The following PCDH9 variants were observed in gnomAD, a reference collection of about 807,000 sequenced individuals.
The protein encoded by PCDH9 is protocadherin-9.
Under a neutral mutation model 70.6 loss-of-function variants are expected in PCDH9, and 24 were observed. The ratio of observed to expected loss-of-function variants is 0.34; its 90% CI spans 0.25 to 0.48. The LOEUF is 0.48. Ranked by LOEUF, PCDH9 falls within the 20% of genes least tolerant of loss-of-function variation. The pLI, the probability that PCDH9 is intolerant of heterozygous loss-of-function variation, is 0.99. For missense variants in PCDH9, 1,281 were observed against 1,503.6 expected, an observed-to-expected ratio of 0.85 and a Z score of 2.45; for synonymous variants, 562 against 558.5, an observed-to-expected ratio of 1.01 and a Z score of -0.09.
rs187268225 is a variant in PCDH9 at position 66,762,230 on chromosome 13, G to T, written c.3139-130819C>A. On this transcript the variant is annotated intron_variant, in intron 3 of 4. Coordinates refer to ENST00000377865, the MANE Select transcript of PCDH9 (RefSeq NM_203487.3). ...CTTCAGCCCATGGCTGCTAAAGCCT[G>T]CCAGTTGCTGAGGTTTGTACAGAAC... Among the ~76,000 whole-genome samples the T allele has an allele frequency of 5.3e-5, 8 of 152,202 alleles. No homozygotes were observed. In the East Asian group the frequency reaches 1.5e-3, roughly 29 times the overall value.
At chr13:66,625,734 C>T (rs1305377657) in intron 4 of PCDH9, among the ~76,000 whole-genome samples, 8 of 150,734 alleles carry the variant, frequency 5.3e-5, no homozygotes, top group African/African-American at 2.0e-4. Context: ...CATCTTGGCT[C>T]ACTGCAATTT....
At chr13:66,314,350 G>A (rs954934647) in intron 4 of PCDH9, among the ~76,000 whole-genome samples, 3 of 152,144 alleles carry the variant, frequency 2.0e-5, no homozygotes, top group Admixed American at 1.3e-4. Flanking sequence ...GTAGGTTTGG[G>A]GGGTAAGTCC....
At chr13:67,148,429 A>G (rs1240974358) in intron 2 of PCDH9, among the ~76,000 whole-genome samples, 2 of 152,134 alleles carry the variant, frequency 1.3e-5, no homozygotes, top group South Asian at 4.1e-4. Flanking sequence ...TAACATGCAC[A>G]TGTGCAATGA....
intron 3 of PCDH9, among the ~76,000 whole-genome samples, chr13:66,756,476 G>GA (rs1864247021): frequency 6.6e-6 from 1 of 152,120 alleles, no homozygotes; most frequent in African/African-American, 2.4e-5. Context: ...CCATAACTTT[G>GA]ATGTTGGTAT....
At chr13:66,598,635 T>C (rs1252879798) in intron 4 of PCDH9, among the ~76,000 whole-genome samples, 4 of 151,834 alleles carry the variant, frequency 2.6e-5, no homozygotes, top group Admixed American at 1.3e-4. Context: ...AAATGGATAT[T>C]TGCAGCATAG....
chr13:67,216,984 C>G (rs2089622171), intron 2 of PCDH9: 1 of 151,944 alleles, frequency 6.6e-6, no homozygotes, highest in African/African-American at 2.4e-5. Context: ...AGAACTCACT[C>G]CATTTTGTCT....
intron 3 of PCDH9, among the ~76,000 whole-genome samples, chr13:66,687,812 T>C (rs2078426061): frequency 6.6e-6 from 1 of 152,096 alleles, no homozygotes. Flanking sequence ...GCTCCCCTTT[T>C]GTAACTTTCA....
chr13:66,851,629 C>A (rs957518018), intron 3 of PCDH9, among the ~76,000 whole-genome samples: 2 of 151,262 alleles, frequency 1.3e-5, no homozygotes, highest in African/African-American at 2.4e-5. Flanking sequence ...GACTCTGTGA[C>A]CTTGAGCAAG....
intron 2 of PCDH9, among the ~76,000 whole-genome samples, chr13:67,162,957 T>C (rs925507125): frequency 1.3e-5 from 2 of 152,192 alleles, no homozygotes; most frequent in Non-Finnish European, 2.9e-5. Context: ...GTATGTACTT[T>C]TGCAGCTCTT....
chr13:66,464,164 C>T lies in PCDH9; in HGVS notation c.3341-159136G>A, dbSNP rs117466415. Among the ~76,000 whole-genome samples, 151 of 151,256 alleles carry T rather than the reference C, an allele frequency of 1.0e-3. 2 individuals carry two copies. The East Asian group carries it at 0.016, about 16-fold the overall frequency. On this transcript the variant is annotated intron_variant, in intron 4 of 4. Coordinates refer to ENST00000377865, the MANE Select transcript of PCDH9 (RefSeq NM_203487.3). ...AGATTCAAGTGTTTAACCCAGAATA[C>T]GATGCAAAGCAGCCCATTAAGATAA...
At chr13:67,093,111 T>A (rs2086251559) in intron 2 of PCDH9, among the ~76,000 whole-genome samples, 1 of 152,164 alleles carries the variant, frequency 6.6e-6, no homozygotes, top group East Asian at 1.9e-4. Flanking sequence ...ATAAAGGAAG[T>A]TTAATTATAT....
At chr13:66,775,118 G>A (rs1181442631) in intron 3 of PCDH9, among the ~76,000 whole-genome samples, 1 of 152,122 alleles carries the variant, frequency 6.6e-6, no homozygotes, top group Non-Finnish European at 1.5e-5. Context: ...CTAACACAGT[G>A]TTTCTTTTAA....
chr13:67,049,391 G>A (rs989651959), intron 2 of PCDH9, among the ~76,000 whole-genome samples: 2 of 152,120 alleles, frequency 1.3e-5, no homozygotes, highest in Non-Finnish European at 2.9e-5. Context: ...TTTCACACTT[G>A]GACATCTATA....
intron 3 of PCDH9, among the ~76,000 whole-genome samples, chr13:66,848,685 C>T (rs2081254861): frequency 6.6e-6 from 1 of 151,856 alleles, no homozygotes; most frequent in Non-Finnish European, 1.5e-5. Flanking sequence ...TCCCAGCACT[C>T]TGGGAGGCTG....
intron 4 of PCDH9, among the ~76,000 whole-genome samples, chr13:66,560,545 CT>C (rs1332914903): frequency 6.6e-6 from 1 of 152,192 alleles, no homozygotes. Context: ...CTGGAAGGCA[CT>C]TTTTATCTGT....
At chr13:66,386,705 T>C (rs993731588) in intron 4 of PCDH9, among the ~76,000 whole-genome samples, 12 of 152,102 alleles carry the variant, frequency 7.9e-5, no homozygotes, top group African/African-American at 2.9e-4. Flanking sequence ...TTAATTCAAT[T>C]CTGAATTAAC....
chr13:66,857,549 T>G (rs1365668853), intron 3 of PCDH9, among the ~76,000 whole-genome samples: 3 of 152,044 alleles, frequency 2.0e-5, no homozygotes, highest in African/African-American at 7.2e-5. Context: ...TGTCTAGAGG[T>G]CACCAGGAAA....
chr13:66,796,641 G>GATTC (rs1474341382), intron 3 of PCDH9, among the ~76,000 whole-genome samples: 4 of 30,296 alleles, frequency 1.3e-4, no homozygotes, highest in Non-Finnish European at 1.5e-3. Context: ...GCAGAATATA[G>GATTC]GTTCACTGTA....
intron 4 of PCDH9, among the ~76,000 whole-genome samples, chr13:66,344,415 C>T (rs972438150): frequency 6.6e-6 from 1 of 152,128 alleles, no homozygotes; most frequent in Non-Finnish European, 1.5e-5. Context: ...CATAAGCTAC[C>T]ATGCCCGGCC....
Sources: gnomAD v4.1 joint callset for allele counts (sites outside exome capture counted in the v4.1 genomes callset) on GRCh38, gnomAD v4.1.1 for gene constraint, MANE v1.5 for transcripts, NCBI Gene and HGNC (gene_info 2026-07-23, HGNC 2026-07-21) for gene names.